The following RPRD2 variants were observed in gnomAD, a reference collection of about 807,000 sequenced individuals.
RPRD2 encodes the protein regulation of nuclear pre-mRNA domain containing 2, also known as regulation of nuclear pre-mRNA domain-containing protein 2.
Under a neutral mutation model 104.4 loss-of-function variants are expected in RPRD2, and 12 were observed. The observed-to-expected ratio is 0.11, with a 90% CI of 0.07 to 0.19. RPRD2 has a LOEUF of 0.19. RPRD2 is among the 10% of genes least tolerant of loss of function. RPRD2 has a pLI of 1.00. For missense variants in RPRD2, 1,543 were observed against 1,790.1 expected (o/e 0.86, Z 2.49); for synonymous variants, 714 against 684.9 (o/e 1.04, Z -0.66).
chr1:150,378,690 T>A (rs1660898515), intron 1 of RPRD2, among the ~76,000 whole-genome samples: 1 of 152,056 alleles, frequency 6.6e-6, no homozygotes, highest in African/African-American at 2.4e-5. Context: ...TAAGAAATAA[T>A]TTATTGGCTA....
chr1:150,452,141 C>CACAA (rs1553896743), intron 7 of RPRD2, among the ~76,000 whole-genome samples: 1 of 110,952 alleles, frequency 9.0e-6, no homozygotes, highest in Non-Finnish European at 1.8e-5. Context: ...GACTCTGTCT[C>CACAA]AAAAAAAAAA....
rs782281698 is a variant in RPRD2 at position 150,446,268 on chromosome 1, C to G, written c.737C>G (p.Ala246Gly). 1 of 1,602,848 alleles carries G rather than the reference C, an allele frequency of 6.2e-7. No homozygotes were observed. The highest frequency in any genetic ancestry group is 8.5e-7 in the Non-Finnish European group (1 of 1,176,558). ...AAGTTCTCCAAAGAATTTGAAGAGGCAAGCTCCAAGCTGGAAGAATTTGTG... is the reference window on the plus strand; with the variant it reads ...AAGTTCTCCAAAGAATTTGAAGAGGGAAGCTCCAAGCTGGAAGAATTTGTG... ...GKKFSKEFEE[A>G]SSKLEEFVNG... Residue 246 changes from alanine to glycine, a missense_variant, in exon 7 of 11, where the codon GCA becomes GGA. This residue lies in a region of RPRD2 where 572 missense variants were observed against 787.3 expected (regional missense o/e 0.73). Coordinates refer to ENST00000369068, the MANE Select transcript of RPRD2 (RefSeq NM_015203.5).
intron 1 of RPRD2, among the ~76,000 whole-genome samples, chr1:150,367,342 GTTATAC>G (rs1226224046): frequency 1.2e-4 from 18 of 152,112 alleles, no homozygotes; most frequent in African/African-American, 4.3e-4. Flanking sequence ...TTTCTTTACA[GTTATAC>G]TTAGTTTACT....
intron 10 of RPRD2, among the ~76,000 whole-genome samples, chr1:150,468,902 G>T (rs1451633542): frequency 3.3e-5 from 5 of 151,086 alleles, no homozygotes; most frequent in South Asian, 2.1e-4. Context: ...GAAACTATTA[G>T]TAGGGATGAA....
intron 1 of RPRD2, among the ~76,000 whole-genome samples, chr1:150,400,504 A>G (rs1662894207): frequency 1.3e-5 from 2 of 152,160 alleles, no homozygotes; most frequent in Admixed American, 1.3e-4. Context: ...TGCACAGCCT[A>G]CATCCCTGGC....
chr1:150,422,340 A>AAAT (rs145145770), intron 2 of RPRD2, among the ~76,000 whole-genome samples: 20,188 of 128,238 alleles, frequency 0.16, 1,725 homozygotes, highest in African/African-American at 0.23. Context: ...CTCTGTCTCA[A>AAAT]AATAATAATA....
chr1:150,412,996 TA>T (rs375937550), intron 1 of RPRD2, among the ~76,000 whole-genome samples: 22 of 141,962 alleles, frequency 1.5e-4, no homozygotes, highest in South Asian at 6.3e-4. Context: ...GGAAGGAAGA[TA>T]AAAAAAAGAA....
chr1:150,382,063 G>A (rs941702258), intron 1 of RPRD2, among the ~76,000 whole-genome samples: 7 of 152,068 alleles, frequency 4.6e-5, no homozygotes, highest in Non-Finnish European at 8.8e-5. Context: ...ATGATAACTT[G>A]TCATTTAAAA....
At chr1:150,443,406 T>G (rs1553894881) in intron 5 of RPRD2, 123 bp downstream of exon 5, 1 of 712,438 alleles carries the variant, frequency 1.4e-6, no homozygotes, top group Non-Finnish European at 2.3e-6. Flanking sequence ...TAAACATGCA[T>G]GAACTGTTCT....
intron 10 of RPRD2, among the ~76,000 whole-genome samples, chr1:150,468,852 G>T (rs2102438151): frequency 6.6e-6 from 1 of 151,994 alleles, no homozygotes; most frequent in Non-Finnish European, 1.5e-5. Flanking sequence ...ACTCCAGCCT[G>T]GGTGACAGAG....
intron 1 of RPRD2, among the ~76,000 whole-genome samples, chr1:150,381,135 G>C (rs1407465947): frequency 6.6e-6 from 1 of 152,076 alleles, no homozygotes; most frequent in Non-Finnish European, 1.5e-5. Context: ...AGAAAGTGCT[G>C]TAATTGTCAG....
At chr1:150,366,930 C>A (rs1252613706) in intron 1 of RPRD2, among the ~76,000 whole-genome samples, 2 of 152,108 alleles carry the variant, frequency 1.3e-5, no homozygotes, top group East Asian at 3.8e-4. Context: ...GGATCACAAG[C>A]GACAATTACA....
rs1668556276 is a variant in RPRD2, at chr1:150,471,065, C to T, written c.2117C>T (p.Ser706Leu). Residue 706 changes from serine to leucine, a missense_variant, in exon 11 of 11, where the codon TCA becomes TTA. Transcript: ENST00000369068. This position sits in a 1 kb window ranked among gnomAD's most constrained non-coding sequence, Gnocchi z 5.3. Reference protein sequence around the residue: ...GSSAPSESHPSDFQRGPTSTS... With the variant: ...GSSAPSESHPLDFQRGPTSTS... ...AGCGCCCCATCAGAGAGCCATCCCT[C>T]AGACTTCCAGCGTGGCCCTACTAGC... 1.2e-6 allele frequency: 2 copies of T among 1,614,036 alleles called. No individual in the cohort carries two copies. The highest frequency in any genetic ancestry group is 1.7e-6 in the Non-Finnish European group (2 of 1,179,898).
At chr1:150,442,415 C>G (rs1436623504) in intron 4 of RPRD2, among the ~76,000 whole-genome samples, 1 of 152,094 alleles carries the variant, frequency 6.6e-6, no homozygotes, top group Non-Finnish European at 1.5e-5. Context: ...GACCTCAGAT[C>G]CTGGCCAGAA....
chr1:150,432,593 T>C (rs868956452), intron 2 of RPRD2, among the ~76,000 whole-genome samples: 1 of 149,206 alleles, frequency 6.7e-6, no homozygotes, highest in African/African-American at 2.5e-5. Context: ...TGGCACACTT[T>C]ATGTTACATA....
intron 1 of RPRD2, among the ~76,000 whole-genome samples, chr1:150,413,404 C>G: frequency 6.6e-6 from 1 of 152,020 alleles, no homozygotes; most frequent in East Asian, 1.9e-4. Context: ...AGTTTGAGAC[C>G]AGGCTGGCCA....
rs1029136353 is a variant in RPRD2 at position 150,475,204 on chromosome 1, T to A, written c.*1870T>A. ...TAGCAAAGAAAAGAAAGTATAGTTA[T>A]ATTGAGTCCTAAGACATTTGTTAGG... On this transcript the variant is annotated 3_prime_UTR_variant, in exon 11 of 11. Coordinates refer to ENST00000369068, the MANE Select transcript of RPRD2 (RefSeq NM_015203.5). 6.6e-6 allele frequency: 1 copy of A among 152,134 alleles called. No individual in the cohort carries two copies. The highest frequency in any genetic ancestry group is 2.1e-4 in the South Asian group (1 of 4,822). 9.4% of individuals were successfully genotyped at this position (152,134 alleles called of 1,614,324 possible).
intron 7 of RPRD2, among the ~76,000 whole-genome samples, chr1:150,453,416 T>C (rs1667329299): frequency 6.6e-6 from 1 of 152,170 alleles, no homozygotes; most frequent in South Asian, 2.1e-4. Context: ...CTTTTTATCC[T>C]GCTTAGACTC....
rs1667840864 is a variant in RPRD2, at chr1:150,460,332, T to G, written c.1411+15T>G. 6.3e-7 allele frequency: 1 copy of G among 1,594,346 alleles called. No homozygotes were observed. Among genetic ancestry groups the G allele is most frequent in the Non-Finnish European group, 8.6e-7 (1 of 1,167,772 alleles). On this transcript the variant is annotated intron_variant, in intron 9 of 10. Coordinates refer to ENST00000369068, the MANE Select transcript of RPRD2 (RefSeq NM_015203.5). ...GAAAAATACTGGTAAGTAAGCCCAG[T>G]AAGGAGGATAAAAAGTTAATTTCCA... is the stretch of plus-strand genomic sequence containing the variant.
Sources: allele counts gnomAD v4.1 joint callset (sites outside exome capture counted in the v4.1 genomes callset), GRCh38; gene constraint gnomAD v4.1.1; regional missense constraint gnomAD v4.1.1; non-coding constraint Gnocchi (gnomAD v3.1); transcripts MANE v1.5; gene names NCBI Gene and HGNC (gene_info 2026-07-23, HGNC 2026-07-21).